Variants in NAP1L1 observed in about 807,000 individuals in gnomAD.
NAP1L1 encodes nucleosome assembly protein 1 like 1.
A neutral mutation model predicts 58.9 loss-of-function variants in NAP1L1; 9 were observed. That is an observed-to-expected ratio of 0.15 (90% confidence interval 0.09 to 0.27). The LOEUF is 0.27. Among genes scored for constraint, NAP1L1 ranks in the 10% least tolerant of loss-of-function variants. The pLI, the probability that NAP1L1 is intolerant of heterozygous loss-of-function variation, is 1.00. For missense variants in NAP1L1, 302 were observed against 458.8 expected, an observed-to-expected ratio of 0.66 and a Z score of 3.12; for synonymous variants, 130 against 138.3, an observed-to-expected ratio of 0.94 and a Z score of 0.42.
chr12:76,082,751 G>A (rs1249935434), intron 1 of NAP1L1, among the ~76,000 whole-genome samples: 2 of 152,046 alleles, frequency 1.3e-5, no homozygotes, highest in African/African-American at 4.8e-5. Context: ...ACTTCCCTTC[G>A]ATTTTTAAAT....
chr12:76,049,481 G>A (rs766489791), intron 13 of NAP1L1: 1 of 1,535,612 alleles, frequency 6.5e-7, no homozygotes, highest in East Asian at 2.4e-5. Flanking sequence ...GCCAACGTTG[G>A]AAAAGTTTAC....
Position 76,060,173 on chromosome 12 carries a change from T to G in NAP1L1, c.313A>C (p.Lys105Gln), listed in dbSNP as rs1478747276. Residue 105 changes from lysine to glutamine, a missense_variant, in exon 5 of 15, where the codon AAG becomes CAG. By Grantham distance (53) the Lys-to-Gln change is moderately conservative. Transcript: ENST00000618691. ...AGAGGCTGATAGAGAACAGCATACT[T>G]CCTTTCAAGATCGTGAACTTCCTCA... is the stretch of plus-strand genomic sequence containing the variant. ...FYEEVHDLERKYAVLYQPLFD... is the reference protein window; with the variant it reads ...FYEEVHDLERQYAVLYQPLFD... 4 of 1,613,392 alleles carry G rather than the reference T, an allele frequency of 2.5e-6. No homozygotes were observed. Among genetic ancestry groups the G allele is most frequent in the Non-Finnish European group, 3.4e-6 (4 of 1,179,658 alleles).
In NAP1L1 at chr12:76,075,345, T is replaced by G. The variant is rs140657124; in HGVS notation, c.-20-1106A>C. Among the ~76,000 whole-genome samples, 7 of 152,304 alleles carry G rather than the reference T, an allele frequency of 4.6e-5. No individual in the cohort carries two copies. The South Asian group carries it at 1.4e-3, about 32-fold the overall frequency. On this transcript the variant is annotated intron_variant, in intron 1 of 14. Coordinates refer to ENST00000618691, the MANE Select transcript of NAP1L1 (RefSeq NM_004537.7). The stretch of plus-strand genomic sequence containing the variant: ...TATGAATAAATAGAATCAAGTTATC[T>G]GGTAAAAATTAAAATCTTAATACAT...
At chr12:76,059,695 A>G in intron 6 of NAP1L1, 103 bp downstream of exon 6, 2 of 762,552 alleles carry the variant, frequency 2.6e-6, no homozygotes, top group Non-Finnish European at 4.3e-6. Context: ...AAAAAATACA[A>G]CTGGTTATAT....
intron 2 of NAP1L1, among the ~76,000 whole-genome samples, chr12:76,070,139 GAC>G (rs981259621): frequency 6.7e-6 from 1 of 149,588 alleles, no homozygotes; most frequent in Non-Finnish European, 1.5e-5. Context: ...TTTTTTGGGA[GAC>G]AGTGTCTTGC....
intron 6 of NAP1L1, among the ~76,000 whole-genome samples, chr12:76,058,703 T>C (rs1019883321): frequency 6.7e-6 from 1 of 149,276 alleles, no homozygotes; most frequent in African/African-American, 2.6e-5. Flanking sequence ...TTCTCTCTTT[T>C]TATTTTTTGA....
At chr12:76,061,078 G>A (rs975410673) in intron 4 of NAP1L1, 2 of 430,146 alleles carry the variant, frequency 4.6e-6, no homozygotes, top group Admixed American at 5.3e-5. Flanking sequence ...CTGGCTGACA[G>A]AATGAGACCC....
Position 76,038,880 on chromosome 12 carries a change from T to C in NAP1L1, c.*9549A>G, listed in dbSNP as rs1257619852. Reference sequence around the variant, plus strand: ...TCAGAAACCAGAAAGTTTTTGTTTCTAATGAGATTTCATTTACACTTTTAA... The same window carrying C: ...TCAGAAACCAGAAAGTTTTTGTTTCCAATGAGATTTCATTTACACTTTTAA... On this transcript the variant is annotated 3_prime_UTR_variant, in exon 15 of 15. Coordinates refer to ENST00000618691, the MANE Select transcript of NAP1L1 (RefSeq NM_004537.7). 1 of 152,204 alleles carries C rather than the reference T, an allele frequency of 6.6e-6. No homozygotes were observed. The highest frequency in any genetic ancestry group is 2.4e-5 in the African/African-American group (1 of 41,440). The allele number at this position is 152,204 out of a possible 1,614,324, so 9.4% of individuals were successfully genotyped here.
In NAP1L1 at chr12:76,049,246, C is replaced by A; in HGVS notation, c.1094G>T (p.Gly365Val). Residue 365 changes from glycine to valine, a missense_variant, in exon 14 of 15, where the codon GGG becomes GTG. Gly to Val is a moderately radical substitution (Grantham distance 109). Transcript: ENST00000618691. ...DEEGEEADEE[G>V]EEEGDEENDP... is the part of the protein sequence containing the mutation. ...ATTTTCCTCATCTCCTTCTTCTTCC[C>A]CTTCCTATATTAAAGTTCAAAATGC... is the stretch of plus-strand genomic sequence containing the variant. The A allele has an allele frequency of 1.9e-6, 3 of 1,613,508 alleles. No homozygotes were observed. Among genetic ancestry groups the A allele is most frequent in the Non-Finnish European group, 2.5e-6 (3 of 1,179,752 alleles).
chr12:76,049,616 T>C (rs909744599), intron 13 of NAP1L1, 140 bp downstream of exon 13: 4 of 1,514,726 alleles, frequency 2.6e-6, no homozygotes, highest in East Asian at 2.4e-5. Flanking sequence ...TGTTTGGCTG[T>C]AGAATTCTAA....
intron 6 of NAP1L1, 84 bp from the exon 7 acceptor site, chr12:76,056,245 C>T (rs1407575894): frequency 3.0e-6 from 4 of 1,354,588 alleles, no homozygotes; most frequent in Non-Finnish European, 3.0e-6. Context: ...CCAAAAAGCA[C>T]AGTCACCAGA....
intron 1 of NAP1L1, among the ~76,000 whole-genome samples, chr12:76,075,771 C>T (rs1213008414): frequency 6.6e-6 from 1 of 152,186 alleles, no homozygotes; most frequent in Non-Finnish European, 1.5e-5. Flanking sequence ...CTTTTTAATA[C>T]AGGGAAACCT....
intron 11 of NAP1L1, among the ~76,000 whole-genome samples, chr12:76,051,349 GTTA>G (rs1422923256): frequency 1.3e-5 from 2 of 151,876 alleles, no homozygotes; most frequent in African/African-American, 4.8e-5. Context: ...AAACCCTTGG[GTTA>G]TTGTTAATAT....
At chr12:76,055,582 T>C (rs1949045721) in intron 7 of NAP1L1, among the ~76,000 whole-genome samples, 1 of 152,212 alleles carries the variant, frequency 6.6e-6, no homozygotes, top group Non-Finnish European at 1.5e-5. Flanking sequence ...CAAGAAATGC[T>C]TGAGGCAGTT....
chr12:76,057,668 G>T, intron 6 of NAP1L1: 1 of 1,459,062 alleles, frequency 6.9e-7, no homozygotes, highest in Non-Finnish European at 9.4e-7. Flanking sequence ...ATAGAGTACT[G>T]TGAATATATG....
In NAP1L1 at chr12:76,037,079, TTAAA is replaced by T. The variant is rs757182291; in HGVS notation, c.*11346_*11349del. 10 of 152,092 alleles carry T rather than the reference TTAAA, an allele frequency of 6.6e-5. No homozygotes were observed. The highest frequency in any genetic ancestry group is 1.0e-4 in the Non-Finnish European group (7 of 68,018). 9.4% of individuals were successfully genotyped at this position (152,092 alleles called of 1,614,324 possible). On this transcript the variant is annotated 3_prime_UTR_variant, in exon 15 of 15. Transcript: ENST00000618691. The stretch of plus-strand genomic sequence containing the variant: ...CGAGAATCTGTCTCAAAATAAATAA[TTAAA>T]TAAATAAACAAATAGTCTCACAGAG...
Position 76,043,078 on chromosome 12 carries a change from C to T in NAP1L1, c.*5351G>A, listed in dbSNP as rs1948565959. 1 of 152,152 alleles carries T rather than the reference C, an allele frequency of 6.6e-6. No homozygotes were observed. The highest frequency in any genetic ancestry group is 2.1e-4 in the South Asian group (1 of 4,832). The allele number at this position is 152,152 out of a possible 1,614,324, so 9.4% of individuals were successfully genotyped here. On this transcript the variant is annotated 3_prime_UTR_variant, in exon 15 of 15. Transcript: ENST00000618691. ...CTAAGTAAATTATCTTAACAGCTAA[C>T]AGCGTCTTGTTCACTGCTGCTGCCA...
intron 7 of NAP1L1, among the ~76,000 whole-genome samples, chr12:76,055,458 G>C (rs1260018050): frequency 2.0e-5 from 3 of 152,162 alleles, no homozygotes; most frequent in Non-Finnish European, 2.9e-5. Context: ...TGCTAAAGTA[G>C]AATTGTAATA....
At chr12:76,069,217 T>C (rs1031044595) in intron 2 of NAP1L1, among the ~76,000 whole-genome samples, 1 of 152,216 alleles carries the variant, frequency 6.6e-6, no homozygotes, top group Non-Finnish European at 1.5e-5. Flanking sequence ...GTTTATACTT[T>C]TGAAGCTTTA....
Sources: allele counts gnomAD v4.1 joint callset (sites outside exome capture counted in the v4.1 genomes callset), GRCh38; gene constraint gnomAD v4.1.1; transcripts MANE v1.5; gene names NCBI Gene and HGNC (gene_info 2026-07-23, HGNC 2026-07-21).